EMC3: variants seen among roughly 807,000 people sequenced by gnomAD.
EMC3 encodes ER membrane protein complex subunit 3.
Under a neutral mutation model 36.6 loss-of-function variants are expected in EMC3, and 13 were observed. The ratio of observed to expected loss-of-function variants is 0.35; its 90% CI spans 0.23 to 0.56. The LOEUF (loss-of-function observed/expected upper bound fraction) is 0.56. Ranked by LOEUF, EMC3 falls within the 20% of genes least tolerant of loss-of-function variation. The probability of loss-of-function intolerance (pLI) is 0.84; values close to 1 mark genes in which losing one functional copy is unlikely to be tolerated. For missense variants in EMC3, 220 were observed against 324.5 expected (o/e 0.68, Z 2.47); for synonymous variants, 120 against 111.9 (o/e 1.07, Z -0.46).
upstream of EMC3, among the ~76,000 whole-genome samples, chr3:9,990,021 G>A (rs1297024204): frequency 7.0e-6 from 1 of 143,254 alleles, no homozygotes; most frequent in Non-Finnish European, 1.5e-5. Context: ...CACTCCCAGT[G>A]TTTTCTCTTT....
chr3:9,979,499 C>T (rs189152288), intron 1 of EMC3, among the ~76,000 whole-genome samples: 2 of 152,314 alleles, frequency 1.3e-5, no homozygotes, highest in Admixed American at 1.3e-4. Flanking sequence ...GAGCAAGTCA[C>T]TTAAATTCCC....
At chr3:9,991,906 C>T (rs1268823158) in intron 1 of EMC3, among the ~76,000 whole-genome samples, 1 of 152,114 alleles carries the variant, frequency 6.6e-6, no homozygotes, top group African/African-American at 2.4e-5. Context: ...AATGTGCAGC[C>T]TAGATCCTGC....
intron 1 of EMC3, chr3:10,002,767 A>G: frequency 2.2e-6 from 1 of 453,002 alleles, no homozygotes; most frequent in Non-Finnish European, 4.4e-6. Context: ...ACACCCAGAA[A>G]TGTCCCTGGC....
chr3:9,974,081 C>T (rs537548208), intron 4 of EMC3, among the ~76,000 whole-genome samples: 1 of 152,332 alleles, frequency 6.6e-6, no homozygotes. Context: ...CTCACCCTAA[C>T]ATCTAGCAAA....
At chr3:10,003,877 A>G (rs1164182942) in intron 1 of EMC3, 2 of 155,468 alleles carry the variant, frequency 1.3e-5, no homozygotes, top group African/African-American at 4.8e-5. Context: ...TGCCATAGCA[A>G]ATTGCGCAGA....
intron 1 of EMC3, among the ~76,000 whole-genome samples, chr3:9,986,202 C>T (rs1217215885): frequency 6.6e-6 from 1 of 152,134 alleles, no homozygotes. Flanking sequence ...CATAGGTAAA[C>T]CCACCGAGGG....
chr3:9,972,462 GAAAAAA>G (rs34891720), intron 5 of EMC3, among the ~76,000 whole-genome samples: 1 of 90,706 alleles, frequency 1.1e-5, no homozygotes, highest in Non-Finnish European at 2.5e-5. Flanking sequence ...GAGTTTCAAT[GAAAAAA>G]AAAAAAAAAA....
chr3:9,995,614 TC>T (rs1396471363), intron 1 of EMC3, among the ~76,000 whole-genome samples: 5 of 151,576 alleles, frequency 3.3e-5, no homozygotes, highest in African/African-American at 9.7e-5. Flanking sequence ...AGCAGCCACA[TC>T]CAGGTAAGAA....
intron 1 of EMC3, chr3:9,993,033 T>G: frequency 8.4e-7 from 1 of 1,193,690 alleles, no homozygotes; most frequent in Admixed American, 1.7e-5. Context: ...AGACTATTGA[T>G]TTTTAATCTA....
At chr3:9,973,549 T>C in intron 5 of EMC3, 79 bp downstream of exon 5, 1 of 1,338,180 alleles carries the variant, frequency 7.5e-7, no homozygotes, top group South Asian at 1.2e-5. Flanking sequence ...GGTCTCAAAC[T>C]CATGGGCTCA....
chr3:9,966,033 G>C (rs1421948743), intron 7 of EMC3, among the ~76,000 whole-genome samples: 1 of 152,160 alleles, frequency 6.6e-6, no homozygotes, highest in Non-Finnish European at 1.5e-5. Context: ...ATTTACTTAA[G>C]AGTGAAATTA....
chr3:9,992,906 C>G, intron 1 of EMC3: 4 of 1,606,898 alleles, frequency 2.5e-6, no homozygotes, highest in Non-Finnish European at 3.4e-6. Context: ...TCTATAGCAC[C>G]AATACTCAGA....
chr3:9,974,701 G>T (rs2085825699), intron 3 of EMC3, among the ~76,000 whole-genome samples: 1 of 151,578 alleles, frequency 6.6e-6, no homozygotes, highest in South Asian at 2.1e-4. Flanking sequence ...TGGGACTACA[G>T]GTGCCTGCCA....
chr3:9,985,945 T>C (rs1270783572), intron 1 of EMC3, among the ~76,000 whole-genome samples: 1 of 152,142 alleles, frequency 6.6e-6, no homozygotes, highest in Non-Finnish European at 1.5e-5. Context: ...ATGAAATATG[T>C]GAGGAAGTTG....
chr3:10,002,219 A>G (rs2086209551), intron 1 of EMC3, among the ~76,000 whole-genome samples: 1 of 150,264 alleles, frequency 6.7e-6, no homozygotes, highest in South Asian at 2.1e-4. Flanking sequence ...CTTCCAATCC[A>G]TGAAGACAAT....
At chr3:9,979,000 T>C (rs2085881036) in intron 1 of EMC3, among the ~76,000 whole-genome samples, 2 of 152,228 alleles carry the variant, frequency 1.3e-5, no homozygotes, top group African/African-American at 2.4e-5. Context: ...CCCTTTCCTT[T>C]CCGAGTTCTA....
intron 3 of EMC3, among the ~76,000 whole-genome samples, chr3:9,975,425 A>G (rs952298483): frequency 2.0e-5 from 3 of 152,078 alleles, no homozygotes; most frequent in Non-Finnish European, 2.9e-5. Context: ...ACTCCCGCCA[A>G]TGGTGAGGGA....
intron 1 of EMC3, 74 bp from the exon 2 acceptor site, chr3:9,977,520 G>T: frequency 2.2e-6 from 3 of 1,389,736 alleles, no homozygotes; most frequent in South Asian, 1.3e-5. Context: ...TCAAGTAGAA[G>T]ACCTATTTAA....
chr3:10,005,399 C>T (rs1248676028), intron 1 of EMC3, among the ~76,000 whole-genome samples: 1 of 152,138 alleles, frequency 6.6e-6, no homozygotes, highest in Non-Finnish European at 1.5e-5. Flanking sequence ...CTACGTGGCC[C>T]CAGAACGCTC....
Sources: allele counts gnomAD v4.1 joint callset (sites outside exome capture counted in the v4.1 genomes callset), GRCh38; gene constraint gnomAD v4.1.1; transcripts MANE v1.5; gene names NCBI Gene and HGNC (gene_info 2026-07-23, HGNC 2026-07-21).